The following ELF5 variants were observed in gnomAD, a reference collection of about 807,000 sequenced individuals.
The protein encoded by ELF5 is ETS-related transcription factor Elf-5.
Under a neutral mutation model 38.2 loss-of-function variants are expected in ELF5, and 31 were observed. The observed-to-expected ratio is 0.81, with a 90% CI of 0.61 to 1.10. ELF5 has a LOEUF of 1.10. Among genes scored for constraint, ELF5 ranks in the 50% least tolerant of loss-of-function variants. ELF5 has a pLI of 0.00. For synonymous variants in ELF5, 121 were observed against 112.5 expected (o/e 1.08, Z -0.48); for missense variants, 300 against 306.6 (o/e 0.98, Z 0.16).
At chr11:34,505,598 C>T in intron 2 of ELF5, 31 bp downstream of exon 2, 1 of 1,612,138 alleles carries the variant, frequency 6.2e-7, no homozygotes, top group Non-Finnish European at 8.5e-7. Flanking sequence ...ATCCTGGCTG[C>T]ACTCAGATGG....
intron 4 of ELF5, among the ~76,000 whole-genome samples, chr11:34,486,736 C>T (rs917460676): frequency 3.9e-5 from 6 of 152,194 alleles, no homozygotes; most frequent in Non-Finnish European, 7.3e-5. Context: ...GGAGCTAGAA[C>T]AAGGATTAAA....
At position 34,490,026 on chromosome 11, in the gene ELF5, T is replaced by G. The variant is rs1157771524; in HGVS notation, c.389A>C (p.Lys130Thr). The G allele has an allele frequency of 1.9e-6, 3 of 1,614,036 alleles. No individual in the cohort carries two copies. Among genetic ancestry groups the G allele is most frequent in the Admixed American group, 1.7e-5 (1 of 60,022 alleles). ...YSFFNDAEES[K>T]ATIKDYADSN... ...TTACTTACAGTCTTTGATGGTGGCC[T>G]TGCTTTCTTCAGCGTCATTAAAAAA... is the stretch of plus-strand genomic sequence containing the variant. The change falls in exon 4 of 7, where the codon AAG becomes ACG. Residue 130 changes from lysine (K) to threonine (T), a missense_variant. Physicochemically the swap from Lys to Thr is moderately conservative, Grantham distance 78. Transcript: ENST00000257832.
chr11:34,484,337 G>A (rs1056023840), intron 4 of ELF5, among the ~76,000 whole-genome samples: 1 of 150,940 alleles, frequency 6.6e-6, no homozygotes, highest in African/African-American at 2.4e-5. Flanking sequence ...GTATTCTACT[G>A]TACATACTGT....
chr11:34,488,441 C>T (rs192571492), intron 4 of ELF5, among the ~76,000 whole-genome samples: 19 of 152,286 alleles, frequency 1.2e-4, no homozygotes, highest in African/African-American at 4.6e-4. Context: ...GTTTCTACCC[C>T]TATAAAAAGG....
intron 1 of ELF5, among the ~76,000 whole-genome samples, chr11:34,511,203 G>A (rs1850746097): frequency 6.6e-6 from 1 of 152,164 alleles, no homozygotes; most frequent in African/African-American, 2.4e-5. Context: ...CCAAATTGGA[G>A]GAAAATCCAA....
At chr11:34,480,606 G>C (rs1351695601) in intron 6 of ELF5, among the ~76,000 whole-genome samples, 166 bp downstream of exon 6, 3 of 152,162 alleles carry the variant, frequency 2.0e-5, no homozygotes, top group African/African-American at 7.2e-5. Context: ...AGGACAGCGT[G>C]TCAATTTACA....
chr11:34,501,193 T>C (rs1850458062), intron 2 of ELF5, among the ~76,000 whole-genome samples: 1 of 152,142 alleles, frequency 6.6e-6, no homozygotes, highest in Non-Finnish European at 1.5e-5. Flanking sequence ...AGAATTAAAG[T>C]GGAGAAGCAT....
At chr11:34,492,344 G>C (rs1225721446) in intron 3 of ELF5, 1 of 152,278 alleles carries the variant, frequency 6.6e-6, no homozygotes, top group Non-Finnish European at 1.5e-5. Flanking sequence ...AAGAATCACA[G>C]AGCAGGAGGG....
chr11:34,513,467 G>T (rs1316575104), intron 1 of ELF5, among the ~76,000 whole-genome samples: 1 of 152,256 alleles, frequency 6.6e-6, no homozygotes, highest in Non-Finnish European at 1.5e-5. Context: ...AGGAGGGCTG[G>T]TGGCCACACG....
intron 1 of ELF5, among the ~76,000 whole-genome samples, chr11:34,512,583 A>AT (rs10647727): frequency 0.02 from 2,949 of 148,658 alleles, 80 homozygotes; most frequent in African/African-American, 0.063. Context: ...TAAAATGGGG[A>AT]TTTTTTTTTT....
intron 2 of ELF5, among the ~76,000 whole-genome samples, chr11:34,504,685 C>T (rs1850562165): frequency 6.6e-6 from 1 of 152,294 alleles, no homozygotes; most frequent in African/African-American, 2.4e-5. Context: ...AGCGTGTGCT[C>T]CTGTTGTGCC....
chr11:34,509,877 A>G (rs1319470898), intron 1 of ELF5, among the ~76,000 whole-genome samples: 1 of 152,188 alleles, frequency 6.6e-6, no homozygotes, highest in Non-Finnish European at 1.5e-5. Context: ...AGAAAACAGA[A>G]AACAGTCCCC....
chr11:34,513,477 G>A (rs1337111762), intron 1 of ELF5, among the ~76,000 whole-genome samples, 200 bp downstream of exon 1: 1 of 152,238 alleles, frequency 6.6e-6, no homozygotes, highest in Non-Finnish European at 1.5e-5. Flanking sequence ...GTGGCCACAC[G>A]GCCTGCGGAG....
chr11:34,497,387 C>T (rs191995100), intron 2 of ELF5, among the ~76,000 whole-genome samples: 1 of 152,306 alleles, frequency 6.6e-6, no homozygotes, highest in East Asian at 1.9e-4. Context: ...AAGCAGCAGG[C>T]TCTGCCAGCT....
intron 2 of ELF5, among the ~76,000 whole-genome samples, chr11:34,498,277 A>G (rs1850364178): frequency 6.6e-6 from 1 of 152,174 alleles, no homozygotes; most frequent in African/African-American, 2.4e-5. Context: ...TCATCCACTT[A>G]TACTTGTCAA....
chr11:34,513,523 G>T (rs1378169249), intron 1 of ELF5, among the ~76,000 whole-genome samples, 154 bp downstream of exon 1: 4 of 152,258 alleles, frequency 2.6e-5, no homozygotes, highest in Non-Finnish European at 5.9e-5. Context: ...CGTCACATCC[G>T]TGTCAAACAG....
At chr11:34,499,189 C>T (rs374082915) in intron 2 of ELF5, among the ~76,000 whole-genome samples, 4 of 152,228 alleles carry the variant, frequency 2.6e-5, no homozygotes, top group East Asian at 3.9e-4. Context: ...CTGGAACCCA[C>T]ACTGTTCATT....
intron 2 of ELF5, among the ~76,000 whole-genome samples, chr11:34,504,181 T>C (rs887190019): frequency 2.0e-5 from 3 of 152,140 alleles, no homozygotes; most frequent in African/African-American, 4.8e-5. Context: ...GTGGGAAACA[T>C]AGGGAGGGCA....
In ELF5 at chr11:34,487,011, T is replaced by C. The variant is rs181249864; in HGVS notation, c.406+2998A>G. 4.3e-3 allele frequency among the ~76,000 whole-genome samples: 655 copies of C among 152,294 alleles called. 7 individuals are homozygous for C. The highest frequency in any genetic ancestry group is 6.2e-3 in the Non-Finnish European group (423 of 68,020). ...GAGCCATAGGCACCATGATCACGTG[T>C]CCTGGACTTTCTGGAATGGGCTCAT... On this transcript the variant is annotated intron_variant, in intron 4 of 6. Transcript: ENST00000257832.
Sources: gnomAD v4.1 joint callset for allele counts (sites outside exome capture counted in the v4.1 genomes callset) on GRCh38, gnomAD v4.1.1 for gene constraint, MANE v1.5 for transcripts, NCBI Gene and HGNC (gene_info 2026-07-23, HGNC 2026-07-21) for gene names.